Variants in CPB2 observed in about 807,000 individuals in gnomAD.
The protein encoded by CPB2 is carboxypeptidase B-like protein.
A neutral mutation model predicts 57.0 loss-of-function variants in CPB2; 54 were observed. That is an observed-to-expected ratio of 0.95 (90% CI 0.76 to 1.19). The LOEUF (loss-of-function observed/expected upper bound fraction) is 1.19, where lower values mean the gene tolerates loss of function less well. Among genes scored for constraint, CPB2 ranks in the 50% most tolerant of loss-of-function variants. The probability of loss-of-function intolerance (pLI) is 0.00; values close to 1 mark genes in which losing one functional copy is unlikely to be tolerated. For synonymous variants in CPB2, 189 were observed against 178.1 expected, an observed-to-expected ratio of 1.06 and a Z score of -0.49; for missense variants, 426 against 512.0, an observed-to-expected ratio of 0.83 and a Z score of 1.62.
At chr13:46,090,383 G>A (rs1243271984) in intron 1 of CPB2, among the ~76,000 whole-genome samples, 1 of 134,188 alleles carries the variant, frequency 7.5e-6, no homozygotes, top group East Asian at 2.1e-4. Flanking sequence ...TTTTTTTGGA[G>A]ATGGAGTCTC....
chr13:46,089,515 A>C (rs2045260170), intron 1 of CPB2, among the ~76,000 whole-genome samples: 1 of 152,296 alleles, frequency 6.6e-6, no homozygotes, highest in East Asian at 1.9e-4. Flanking sequence ...CTCCAAGTTG[A>C]AGGAGAGCAC....
intron 1 of CPB2, among the ~76,000 whole-genome samples, chr13:46,093,057 C>T (rs550449113): frequency 2.4e-4 from 36 of 152,138 alleles, no homozygotes; most frequent in African/African-American, 8.7e-4. Flanking sequence ...GGATTACAGG[C>T]GTGCACCACC....
chr13:46,100,613 G>A (rs1179148166), intron 1 of CPB2: 5 of 152,186 alleles, frequency 3.3e-5, no homozygotes, highest in African/African-American at 9.7e-5. Context: ...AGAGTTGGAT[G>A]TTTCCTCAAA....
At chr13:46,063,611 A>C (rs992526626) in intron 8 of CPB2, among the ~76,000 whole-genome samples, 7 of 152,274 alleles carry the variant, frequency 4.6e-5, no homozygotes, top group Middle Eastern at 3.4e-3. Context: ...TGCTCTTGTG[A>C]ATAGTGCTGC....
At chr13:46,066,961 T>C (rs1041694868) in intron 7 of CPB2, among the ~76,000 whole-genome samples, 2 of 151,778 alleles carry the variant, frequency 1.3e-5, no homozygotes, top group African/African-American at 4.8e-5. Flanking sequence ...TTTTCAGAGT[T>C]CTTTTTTTTT....
intron 1 of CPB2, among the ~76,000 whole-genome samples, chr13:46,090,681 G>T (rs936612866): frequency 6.7e-6 from 1 of 148,942 alleles, no homozygotes; most frequent in Admixed American, 6.7e-5. Flanking sequence ...ATTCTTTAAT[G>T]CCTTTCCAAA....
In CPB2 at chr13:46,078,853, T is replaced by C; in HGVS notation, c.433A>G (p.Thr145Ala). Residue 145 changes from threonine to alanine, a missense_variant, in exon 5 of 11, where the codon ACA becomes GCA. Thr to Ala is a moderately conservative substitution (Grantham distance 58). Coordinates refer to ENST00000181383, the MANE Select transcript of CPB2 (RefSeq NM_001872.5). The part of the protein sequence containing the change: ...FITERHPDML[T>A]KIHIGSSFEK... ...AATGAGGATCCAATGTGGATTTTTG[T>C]AAGCATATCAGGATGCCTCTCAGTT... 6.2e-7 allele frequency: 1 copy of C among 1,612,524 alleles called. No individual in the cohort carries two copies. The highest frequency in any genetic ancestry group is 8.5e-7 in the Non-Finnish European group (1 of 1,178,806).
chr13:46,087,272 G>A (rs1403741467), intron 2 of CPB2, among the ~76,000 whole-genome samples: 1 of 152,240 alleles, frequency 6.6e-6, no homozygotes, highest in Non-Finnish European at 1.5e-5. Context: ...CACAGCCCCA[G>A]CCGTGCCTCC....
chr13:46,079,617 T>C (rs2045081382), intron 4 of CPB2, among the ~76,000 whole-genome samples: 1 of 151,250 alleles, frequency 6.6e-6, no homozygotes, highest in African/African-American at 2.4e-5. Context: ...AAGCAAACAT[T>C]GAATTATTGT....
At position 46,053,532 on chromosome 13, in the gene CPB2, T is replaced by TA; in HGVS notation, c.*81dup. 6.5e-7 allele frequency: 1 copy of TA among 1,532,266 alleles called. No homozygotes were observed. Among genetic ancestry groups the TA allele is most frequent in the Non-Finnish European group, 8.8e-7 (1 of 1,139,108 alleles). The allele number at this position is 1,532,266 out of a possible 1,614,324, so 94.9% of individuals were successfully genotyped here. A position where few individuals can be genotyped will look rare whatever the true frequency, so the allele number is the denominator to read the frequency against. The stretch of plus-strand genomic sequence containing the variant: ...TTTTATCAAAACTACGGATAAAACT[T>TA]AAAAATAATTTGATACAATGATTTG... On this transcript the variant is annotated 3_prime_UTR_variant, in exon 11 of 11. Transcript: ENST00000181383.
chr13:46,104,912 C>G (rs749881047), intron 1 of CPB2, 24 bp downstream of exon 1: 1 of 1,613,676 alleles, frequency 6.2e-7, no homozygotes, highest in Non-Finnish European at 8.5e-7. Flanking sequence ...TGGCCCACCA[C>G]AGTCTAAGAT....
intron 8 of CPB2, among the ~76,000 whole-genome samples, chr13:46,059,427 A>T (rs571153307): frequency 6.6e-6 from 1 of 152,348 alleles, no homozygotes; most frequent in Non-Finnish European, 1.5e-5. Context: ...GTAAATTTTT[A>T]AAAATCTATC....
chr13:46,098,895 A>C (rs1215969837), intron 1 of CPB2: 1 of 152,186 alleles, frequency 6.6e-6, no homozygotes, highest in Non-Finnish European at 1.5e-5. Flanking sequence ...AACTTCCTCC[A>C]TGCAATCTTC....
chr13:46,097,392 A>C (rs1478300757), intron 1 of CPB2: 1 of 152,196 alleles, frequency 6.6e-6, no homozygotes, highest in Non-Finnish European at 1.5e-5. Context: ...CCAGCTAGTC[A>C]CTGGGTGGTA....
intron 9 of CPB2, among the ~76,000 whole-genome samples, chr13:46,056,930 T>C (rs1400630609): frequency 6.6e-6 from 1 of 152,230 alleles, no homozygotes; most frequent in Non-Finnish European, 1.5e-5. Context: ...CATCCCTTGA[T>C]ATTCTAGTTA....
intron 1 of CPB2, among the ~76,000 whole-genome samples, chr13:46,102,223 TCTTA>T (rs938821229): frequency 6.6e-6 from 1 of 152,220 alleles, no homozygotes; most frequent in African/African-American, 2.4e-5. Flanking sequence ...TCCTAGTGTC[TCTTA>T]CTTCCTCTTT....
chr13:46,054,513 T>A (rs2044662258), intron 10 of CPB2, among the ~76,000 whole-genome samples: 1 of 152,184 alleles, frequency 6.6e-6, no homozygotes, highest in Non-Finnish European at 1.5e-5. Flanking sequence ...AATTTTTTTC[T>A]AGGTAACTTG....
intron 1 of CPB2, chr13:46,096,279 G>A (rs545442369): frequency 3.7e-4 from 57 of 152,636 alleles, no homozygotes; most frequent in Admixed American, 7.9e-4. Context: ...CTCCACAGGG[G>A]TTAAGCTTGC....
intron 2 of CPB2, among the ~76,000 whole-genome samples, chr13:46,084,850 T>A (rs890282427): frequency 6.0e-5 from 9 of 150,648 alleles, no homozygotes; most frequent in East Asian, 3.9e-4. Flanking sequence ...TTATTTATTT[T>A]TTATTTTTTA....
Sources: gnomAD v4.1 joint callset for allele counts (sites outside exome capture counted in the v4.1 genomes callset) on GRCh38, gnomAD v4.1.1 for gene constraint, MANE v1.5 for transcripts, NCBI Gene and HGNC (gene_info 2026-07-23, HGNC 2026-07-21) for gene names.